NEO1: variants seen among roughly 807,000 people sequenced by gnomAD.
NEO1 encodes neogenin.
In NEO1, 63 loss-of-function variants were observed where a neutral mutation model predicts 159.7. That is an observed-to-expected ratio of 0.39 (90% confidence interval 0.32 to 0.49). The LOEUF (loss-of-function observed/expected upper bound fraction) is 0.49, where lower values mean the gene tolerates loss of function less well. Among genes scored for constraint, NEO1 ranks in the 20% least tolerant of loss-of-function variants. The probability of loss-of-function intolerance (pLI) is 0.85; values close to 1 mark genes in which losing one functional copy is unlikely to be tolerated. For synonymous variants in NEO1, 633 were observed against 662.0 expected, an observed-to-expected ratio of 0.96 and a Z score of 0.67; for missense variants, 1,615 against 1,831.0, an observed-to-expected ratio of 0.88 and a Z score of 2.15.
rs150249999 is a variant in NEO1 at position 73,233,228 on chromosome 15, G to A, written c.1292-3119G>A. On this transcript the variant is annotated intron_variant, in intron 7 of 28. Coordinates refer to ENST00000261908, the MANE Select transcript of NEO1 (RefSeq NM_002499.4). ...AGAATCAACCTGGGGAAAGCTGATAGAGAACACTGGGGCCACAGTGGGCAT... is the reference window on the plus strand; with the variant it reads ...AGAATCAACCTGGGGAAAGCTGATAAAGAACACTGGGGCCACAGTGGGCAT... 2.0e-5 allele frequency among the ~76,000 whole-genome samples: 3 copies of A among 152,318 alleles called. No homozygotes were observed. The East Asian group carries it at 5.8e-4, about 29-fold the overall frequency.
At chr15:73,173,929 G>C (rs971147293) in intron 5 of NEO1, among the ~76,000 whole-genome samples, 2 of 151,858 alleles carry the variant, frequency 1.3e-5, no homozygotes, top group African/African-American at 4.8e-5. Context: ...GTGAAACCCT[G>C]TCTCTACTAA....
At chr15:73,171,829 A>G (rs1253849198) in intron 5 of NEO1, among the ~76,000 whole-genome samples, 1 of 151,672 alleles carries the variant, frequency 6.6e-6, no homozygotes. Flanking sequence ...TTTAATAGAG[A>G]CGGGTTTTTG....
intron 1 of NEO1, among the ~76,000 whole-genome samples, chr15:73,076,778 G>GCTACCTTCTTTTCTTATCT (rs1465700878): frequency 6.6e-6 from 1 of 152,152 alleles, no homozygotes; most frequent in Non-Finnish European, 1.5e-5. Flanking sequence ...TACTGCTCAG[G>GCTACCTTCTTTTCTTATCT]CTACCTTCTT....
chr15:73,261,272 G>T (rs1222935476), intron 15 of NEO1, among the ~76,000 whole-genome samples: 1 of 151,912 alleles, frequency 6.6e-6, no homozygotes, highest in Non-Finnish European at 1.5e-5. Flanking sequence ...CAATATCTGG[G>T]CACTATATCT....
rs2619258 is a variant in NEO1 at position 73,182,196 on chromosome 15, T to A, written c.1291+3769T>A. ...AAGACCCACCCCTATAATTCAATCA[T>A]CTCCCACTGGGTGATTCCACTGGGA... On this transcript the variant is annotated intron_variant, in intron 7 of 28. Coordinates refer to ENST00000261908, the MANE Select transcript of NEO1 (RefSeq NM_002499.4). 2.6e-5 allele frequency among the ~76,000 whole-genome samples: 4 copies of A among 152,078 alleles called. No homozygotes were observed. The South Asian group carries it at 8.3e-4, about 32-fold the overall frequency.
chr15:73,065,411 TG>T (rs1344739786), intron 1 of NEO1, among the ~76,000 whole-genome samples: 1 of 152,176 alleles, frequency 6.6e-6, no homozygotes, highest in Non-Finnish European at 1.5e-5. Flanking sequence ...TCTCAGCTTT[TG>T]TCTGTCTGAA....
At chr15:73,293,979 G>T (rs532502485) in intron 26 of NEO1, among the ~76,000 whole-genome samples, 12 of 152,170 alleles carry the variant, frequency 7.9e-5, no homozygotes, top group African/African-American at 4.8e-5. Flanking sequence ...TACTTCCACC[G>T]TGGACCAAAG....
At chr15:73,187,446 A>T (rs939180602) in intron 7 of NEO1, among the ~76,000 whole-genome samples, 1 of 152,180 alleles carries the variant, frequency 6.6e-6, no homozygotes, top group Admixed American at 6.6e-5. Flanking sequence ...AGTGAAACAG[A>T]CATCCACTGA....
intron 2 of NEO1, 78 bp from the exon 3 acceptor site, chr15:73,122,447 C>T (rs2071724950): frequency 1.4e-6 from 2 of 1,395,120 alleles, no homozygotes; most frequent in Non-Finnish European, 9.7e-7. Context: ...TGTGAGCTGA[C>T]TTGCTCCTGG....
chr15:73,292,523 ATC>A (rs1224713384), intron 25 of NEO1, among the ~76,000 whole-genome samples: 3 of 152,160 alleles, frequency 2.0e-5, no homozygotes, highest in Non-Finnish European at 4.4e-5. Context: ...TTCTAATTTT[ATC>A]TGTTTCCATC....
chr15:73,101,867 A>G (rs1250890472), intron 1 of NEO1, among the ~76,000 whole-genome samples: 8 of 152,054 alleles, frequency 5.3e-5, no homozygotes, highest in African/African-American at 1.2e-4. Flanking sequence ...TCTCTCCTCT[A>G]TTGCAAAGAA....
At chr15:73,187,581 C>G (rs1017175769) in intron 7 of NEO1, among the ~76,000 whole-genome samples, 2 of 152,152 alleles carry the variant, frequency 1.3e-5, no homozygotes, top group Non-Finnish European at 2.9e-5. Flanking sequence ...GACATTTGGT[C>G]TCTGTTTACA....
intron 5 of NEO1, among the ~76,000 whole-genome samples, chr15:73,155,783 T>C (rs569831149): frequency 6.6e-6 from 1 of 152,384 alleles, no homozygotes; most frequent in East Asian, 1.9e-4. Flanking sequence ...ATTCCTTCAA[T>C]GAATTGTTCA....
At chr15:73,056,128 A>G (rs1356690086) in intron 1 of NEO1, among the ~76,000 whole-genome samples, 5 of 152,150 alleles carry the variant, frequency 3.3e-5, no homozygotes, top group Admixed American at 2.6e-4. Flanking sequence ...GGAGATTGTG[A>G]GGCCCTTTGT....
intron 7 of NEO1, among the ~76,000 whole-genome samples, chr15:73,224,914 T>C (rs1465416985): frequency 1.3e-5 from 2 of 152,166 alleles, no homozygotes; most frequent in Non-Finnish European, 2.9e-5. Flanking sequence ...GTTTTCTGGT[T>C]CCATCTCATT....
chr15:73,224,448 T>C (rs1423107526), intron 7 of NEO1, among the ~76,000 whole-genome samples: 1 of 152,186 alleles, frequency 6.6e-6, no homozygotes, highest in Non-Finnish European at 1.5e-5. Context: ...ACACCAATTA[T>C]TCTTAGGTTT....
At chr15:73,140,786 C>T (rs915071789) in intron 5 of NEO1, among the ~76,000 whole-genome samples, 4 of 152,104 alleles carry the variant, frequency 2.6e-5, no homozygotes, top group African/African-American at 9.7e-5. Flanking sequence ...CTGCTACATT[C>T]GACAATGTGG....
At chr15:73,177,833 T>C (rs972214472) in intron 6 of NEO1, among the ~76,000 whole-genome samples, 2 of 152,260 alleles carry the variant, frequency 1.3e-5, no homozygotes, top group South Asian at 4.1e-4. Context: ...GAGCCACTGC[T>C]CCTGGCCCAG....
At chr15:73,063,628 TGTTTG>T (rs1475362271) in intron 1 of NEO1, among the ~76,000 whole-genome samples, 8 of 33,438 alleles carry the variant, frequency 2.4e-4, no homozygotes, top group Non-Finnish European at 3.9e-4. Flanking sequence ...CAGCCTTTTT[TGTTTG>T]TTTGTTTGTT....
Sources: allele counts gnomAD v4.1 joint callset (sites outside exome capture counted in the v4.1 genomes callset), GRCh38; gene constraint gnomAD v4.1.1; transcripts MANE v1.5; gene names NCBI Gene and HGNC (gene_info 2026-07-23, HGNC 2026-07-21).